Variants in PDYN observed in about 807,000 individuals in gnomAD.
PDYN encodes proenkephalin-B.
Under a neutral mutation model 11.4 loss-of-function variants are expected in PDYN, and 5 were observed. The ratio of observed to expected loss-of-function variants is 0.44; its 90% CI spans 0.23 to 0.92. The LOEUF is 0.92. Ranked by LOEUF, PDYN falls within the 40% of genes least tolerant of loss-of-function variation. The pLI is 0.24. For synonymous variants in PDYN, 132 were observed against 129.5 expected, an observed-to-expected ratio of 1.02 and a Z score of -0.13; for missense variants, 337 against 317.3, an observed-to-expected ratio of 1.06 and a Z score of -0.47.
At chr20:1,981,032 T>C in intron 3 of PDYN, 74 bp from the exon 4 acceptor site, 1 of 1,576,236 alleles carries the variant, frequency 6.3e-7, no homozygotes, top group Non-Finnish European at 8.7e-7. Flanking sequence ...GGCTCCCCTG[T>C]CCAGTGTCTG....
Position 1,981,296 on chromosome 20 carries a change from C to T in PDYN, c.130-338G>A, listed in dbSNP as rs527353784. On this transcript the variant is annotated intron_variant, in intron 3 of 3. Transcript: ENST00000217305. ...TCCCAGACAGGAAACCCCATCTCCA[C>T]TAAAAATACAAATTCTCTCCCAGGC... Among the ~76,000 whole-genome samples the T allele has an allele frequency of 1.2e-3, 181 of 152,326 alleles. 1 individual carries two copies. The highest frequency in any genetic ancestry group is 4.2e-3 in the African/African-American group (176 of 41,580).
At position 1,980,429 on chromosome 20, in the gene PDYN, C is replaced by T. The variant is rs750475860; in HGVS notation, c.659G>A (p.Trp220Ter). ...ACCGCCATAGCGCTTCTGGTTGTCCCACTTGAGCTTGGGACGAATGCGCCG... is the reference window on the plus strand; with the variant it reads ...ACCGCCATAGCGCTTCTGGTTGTCCTACTTGAGCTTGGGACGAATGCGCCG... ...FLRRIRPKLK[W>*]DNQKRYGGFL... Residue 220 changes from tryptophan (W) to a stop codon, truncating the protein, a stop_gained, in exon 4 of 4, where the codon TGG becomes TAG. Coordinates refer to ENST00000217305, the MANE Select transcript of PDYN (RefSeq NM_024411.5). LOFTEE classifies it high-confidence loss of function. The T allele has an allele frequency of 2.5e-6, 4 of 1,613,880 alleles. No homozygotes were observed. In the Admixed American group the frequency reaches 5.0e-5, roughly 20 times the overall value.
At chr20:1,986,244 A>G (rs757690231) in intron 2 of PDYN, among the ~76,000 whole-genome samples, 72 of 152,314 alleles carry the variant, frequency 4.7e-4, no homozygotes, top group Middle Eastern at 3.4e-3. Context: ...TACAGTGAGT[A>G]AGTGGCAAAG....
rs201585283 is a variant in PDYN, at chr20:1,980,820, C to T, written c.268G>A (p.Gly90Arg). ...AGCTTGGCCAGCTCACTGTAGGGCCCTTCCCCAACCGACTTGCTCCCCAAG... is the reference window on the plus strand; with the variant it reads ...AGCTTGGCCAGCTCACTGTAGGGCCTTTCCCCAACCGACTTGCTCCCCAAG... ...EDLGSKSVGE[G>R]PYSELAKLSG... The change falls in exon 4 of 4, where the codon GGG becomes AGG. Residue 90 changes from glycine (G) to arginine (R), a missense_variant. Coordinates refer to ENST00000217305, the MANE Select transcript of PDYN (RefSeq NM_024411.5). The T allele has an allele frequency of 1.3e-4, 217 of 1,614,098 alleles. 1 individual carries two copies. The highest frequency in any genetic ancestry group is 2.9e-5 in the Non-Finnish European group (34 of 1,180,046).
chr20:1,982,560 G>T (rs1987888504), intron 3 of PDYN, among the ~76,000 whole-genome samples: 4 of 152,184 alleles, frequency 2.6e-5, no homozygotes, highest in Non-Finnish European at 4.4e-5. Context: ...TTTGCATTTA[G>T]GGGTGTTGGA....
At position 1,980,438 on chromosome 20, in the gene PDYN, T is replaced by C. The variant is rs1214670418; in HGVS notation, c.650A>G (p.Lys217Arg). 1 of 1,614,060 alleles carries C rather than the reference T, an allele frequency of 6.2e-7. No homozygotes were observed. Among genetic ancestry groups the C allele is most frequent in the African/African-American group, 1.3e-5 (1 of 74,930 alleles). Residue 217 changes from lysine to arginine, a missense_variant, in exon 4 of 4, where the codon AAG becomes AGG. By Grantham distance (26) the Lys-to-Arg change is conservative (BLOSUM62 2). Coordinates refer to ENST00000217305, the MANE Select transcript of PDYN (RefSeq NM_024411.5). ...YGGFLRRIRPKLKWDNQKRYG... is the reference protein window; with the variant it reads ...YGGFLRRIRPRLKWDNQKRYG... ...GCGCTTCTGGTTGTCCCACTTGAGC[T>C]TGGGACGAATGCGCCGCAAGAAGCC...
At position 1,980,881 on chromosome 20, in the gene PDYN, G is replaced by C; in HGVS notation, c.207C>G (p.Phe69Leu). Reference protein sequence around the residue: ...WERCQSFLSFFTPSTLGLNDK... With the variant: ...WERCQSFLSFLTPSTLGLNDK... The stretch of plus-strand genomic sequence containing the variant: ...CATTGAGCCCAAGGGTGGAGGGGGT[G>C]AAAAAAGACAGAAAGCTCTGGCATC... The change falls in exon 4 of 4, where the codon TTC (phenylalanine) becomes TTG (leucine). Residue 69 changes from phenylalanine (F) to leucine (L), a missense_variant. By Grantham distance (22) the Phe-to-Leu change is conservative (BLOSUM62 0). Coordinates refer to ENST00000217305, the MANE Select transcript of PDYN (RefSeq NM_024411.5). 1.2e-6 allele frequency: 2 copies of C among 1,614,158 alleles called. No individual in the cohort carries two copies. The highest frequency in any genetic ancestry group is 1.7e-6 in the Non-Finnish European group (2 of 1,180,014).
At chr20:1,985,724 C>G (rs1988144021) in intron 2 of PDYN, among the ~76,000 whole-genome samples, 1 of 152,204 alleles carries the variant, frequency 6.6e-6, no homozygotes, top group South Asian at 2.1e-4. Flanking sequence ...ACCAGGGAGG[C>G]TCAGTGGAAA....
intron 3 of PDYN, 21 bp from the exon 4 acceptor site, chr20:1,980,979 C>T: frequency 6.2e-7 from 1 of 1,613,220 alleles, no homozygotes; most frequent in Non-Finnish European, 8.5e-7. Context: ...CCCAAAAAGA[C>T]CACAGTGGCA....
At position 1,980,353 on chromosome 20, in the gene PDYN, A is replaced by G; in HGVS notation, c.735T>C (p.Asn245=). The G allele has an allele frequency of 2.5e-6, 4 of 1,614,190 alleles. No individual in the cohort carries two copies. Among genetic ancestry groups the G allele is most frequent in the South Asian group, 1.1e-5 (1 of 91,090 alleles). ...CATCAAAAAGCTCTCCAGAGTAAGC[A>G]TTCGGATCTTCCTGAGACCGAGTCA... ...KVVTRSQEDP[N]AYSGELFDA Residue 245 remains asparagine (N), a synonymous_variant, in exon 4 of 4, where the codon AAT becomes AAC. Coordinates refer to ENST00000217305, the MANE Select transcript of PDYN (RefSeq NM_024411.5).
Position 1,980,487 on chromosome 20 carries a change from C to T in PDYN, c.601G>A (p.Glu201Lys), listed in dbSNP as rs1987678783. ...GEGDGDSMGH[E>K]DLYKRYGGFL... ...CCCCCATAGCGTTTGTACAGGTCCTCATGGCCCATGCTATCCCCGTCCCCC... is the reference window on the plus strand; with the variant it reads ...CCCCCATAGCGTTTGTACAGGTCCTTATGGCCCATGCTATCCCCGTCCCCC... Residue 201 changes from glutamate (E) to lysine (K), a missense_variant, in exon 4 of 4, where the codon GAG becomes AAG. Coordinates refer to ENST00000217305, the MANE Select transcript of PDYN (RefSeq NM_024411.5). The T allele has an allele frequency of 6.2e-7, 1 of 1,612,954 alleles. No homozygotes were observed. Among genetic ancestry groups the T allele is most frequent in the Non-Finnish European group, 8.5e-7 (1 of 1,179,224 alleles).
In PDYN at chr20:1,980,541, G is replaced by A; in HGVS notation, c.547C>T (p.Pro183Ser). 1 of 1,613,772 alleles carries A rather than the reference G, an allele frequency of 6.2e-7. No homozygotes were observed. Among genetic ancestry groups the A allele is most frequent in the Non-Finnish European group, 8.5e-7 (1 of 1,179,774 alleles). ...KRYGGFLRKYPKRSSEVAGEG... is the reference protein window; with the variant it reads ...KRYGGFLRKYSKRSSEVAGEG... ...CCAGCCACCTCTGAGCTCCTCTTGG[G>A]GTATTTGCGCAAAAAGCCCCCATAG... Residue 183 changes from proline (P) to serine (S), a missense_variant, in exon 4 of 4, where the codon CCC becomes TCC. Coordinates refer to ENST00000217305, the MANE Select transcript of PDYN (RefSeq NM_024411.5).
Position 1,979,699 on chromosome 20 carries a change from T to C in PDYN, c.*624A>G, listed in dbSNP as rs1987596033. On this transcript the variant is annotated 3_prime_UTR_variant, in exon 4 of 4. Transcript: ENST00000217305. The stretch of plus-strand genomic sequence containing the variant: ...CTAAACATTAAACCCACTAGAAGAC[T>C]GGACCCTCTACTGTAAGGGTTCCTG... 3 of 161,530 alleles carry C rather than the reference T, an allele frequency of 1.9e-5. No homozygotes were observed. Among genetic ancestry groups the C allele is most frequent in the Admixed American group, 1.7e-4 (3 of 17,694 alleles). 10.0% of individuals were successfully genotyped at this position (161,530 alleles called of 1,614,324 possible).
intron 2 of PDYN, among the ~76,000 whole-genome samples, chr20:1,985,193 G>A (rs947895761): frequency 1.3e-5 from 2 of 152,000 alleles, no homozygotes; most frequent in African/African-American, 4.8e-5. Flanking sequence ...CACTCCACGG[G>A]CCCCAGAACC....
chr20:1,980,951 G>A lies in PDYN; in HGVS notation c.137C>T (p.Ser46Phe), dbSNP rs770746350. The change falls in exon 4 of 4, where the codon TCC becomes TTC. Residue 46 changes from serine to phenylalanine, a missense_variant. Coordinates refer to ENST00000217305, the MANE Select transcript of PDYN (RefSeq NM_024411.5). ...CAGCAGGGCAGCCTGGCATTGCAGG[G>A]AGCAAATCTGCAAAAGACCCAAAAA... ...GPKPINPLICSLQCQAALLPS... is the reference protein window; with the variant it reads ...GPKPINPLICFLQCQAALLPS... 9.3e-6 allele frequency: 15 copies of A among 1,613,820 alleles called. No individual in the cohort carries two copies. In the Admixed American group the frequency reaches 2.3e-4, roughly 25 times the overall value.
At chr20:1,981,303 T>C (rs1245729396) in intron 3 of PDYN, among the ~76,000 whole-genome samples, 1 of 152,082 alleles carries the variant, frequency 6.6e-6, no homozygotes, top group Admixed American at 6.5e-5. Flanking sequence ...CCACTAAAAA[T>C]ACAAATTCTC....
chr20:1,988,024 G>A (rs1366808830), intron 2 of PDYN, among the ~76,000 whole-genome samples: 1 of 152,216 alleles, frequency 6.6e-6, no homozygotes, highest in Non-Finnish European at 1.5e-5. Context: ...GCCGTGGACG[G>A]AGGGCCTGCT....
At position 1,979,845 on chromosome 20, in the gene PDYN, C is replaced by T. The variant is rs1051538485; in HGVS notation, c.*478G>A. The T allele has an allele frequency of 1.8e-5, 3 of 171,300 alleles. No homozygotes were observed. Among genetic ancestry groups the T allele is most frequent in the East Asian group, 3.0e-4 (2 of 6,638 alleles). 10.6% of individuals were successfully genotyped at this position (171,300 alleles called of 1,614,324 possible). A position where few individuals can be genotyped will look rare whatever the true frequency, so the allele number is the denominator to read the frequency against. ...AGGATTTCTGTGTATGATTATTTAC[C>T]TTCTTTTAAAGTTCTACTCTTTGTT... On this transcript the variant is annotated 3_prime_UTR_variant, in exon 4 of 4. Transcript: ENST00000217305.
At chr20:1,989,263 C>A (rs1189321466) in intron 2 of PDYN, among the ~76,000 whole-genome samples, 1 of 152,188 alleles carries the variant, frequency 6.6e-6, no homozygotes, top group Non-Finnish European at 1.5e-5. Context: ...CATTCTTCAG[C>A]CCTGAGCCCT....
Sources: gnomAD v4.1 joint callset for allele counts (sites outside exome capture counted in the v4.1 genomes callset) on GRCh38, gnomAD v4.1.1 for gene constraint, MANE v1.5 for transcripts, NCBI Gene and HGNC (gene_info 2026-07-23, HGNC 2026-07-21) for gene names.